Variants in DDC observed in about 807,000 individuals in gnomAD.
The protein encoded by DDC is aromatic-L-amino-acid decarboxylase.
DDC carries 43 observed loss-of-function variants against 60.0 expected under a neutral mutation model. The observed-to-expected ratio is 0.72, with a 90% CI of 0.56 to 0.92. The LOEUF is 0.92. Ranked by LOEUF, DDC falls within the 40% of genes least tolerant of loss-of-function variation. The pLI, the probability that DDC is intolerant of heterozygous loss-of-function variation, is 0.00. For synonymous variants in DDC, 232 were observed against 234.6 expected (o/e 0.99, Z 0.10); for missense variants, 573 against 620.2 (o/e 0.92, Z 0.81).
At chr7:50,543,680 C>T (rs901715848) in intron 2 of DDC, among the ~76,000 whole-genome samples, 5 of 152,256 alleles carry the variant, frequency 3.3e-5, no homozygotes, top group Non-Finnish European at 5.9e-5. Flanking sequence ...CTGACTTCAT[C>T]GTGTACTACC....
chr7:50,534,905 T>C (rs2044344992), intron 4 of DDC, among the ~76,000 whole-genome samples: 1 of 152,192 alleles, frequency 6.6e-6, no homozygotes, highest in Non-Finnish European at 1.5e-5. Flanking sequence ...GACAGAGCAC[T>C]GGCTGCGGAC....
intron 7 of DDC, among the ~76,000 whole-genome samples, chr7:50,501,558 A>G (rs1399267817): frequency 3.3e-5 from 5 of 152,240 alleles, no homozygotes; most frequent in African/African-American, 1.2e-4. Flanking sequence ...TTTCTTTGTC[A>G]AATGATGGTG....
At chr7:50,515,034 C>T (rs1038594792) in intron 6 of DDC, among the ~76,000 whole-genome samples, 16 of 152,012 alleles carry the variant, frequency 1.1e-4, no homozygotes, top group African/African-American at 3.9e-4. Context: ...GGCTAGAGAC[C>T]CAGCCATCCA....
chr7:50,471,427 G>A (rs1164801078), intron 11 of DDC, among the ~76,000 whole-genome samples: 1 of 152,094 alleles, frequency 6.6e-6, no homozygotes, highest in African/African-American at 2.4e-5. Context: ...TGAACAGGTG[G>A]CAACTGCTTC....
chr7:50,513,757 T>C (rs1245452921), intron 6 of DDC, among the ~76,000 whole-genome samples: 1 of 151,914 alleles, frequency 6.6e-6, no homozygotes, highest in Non-Finnish European at 1.5e-5. Flanking sequence ...ATAATCCTCC[T>C]AGGTACACAA....
In DDC at chr7:50,559,746, A is replaced by G. The variant is rs117020265; in HGVS notation, c.-29+5539T>C. 3.4e-4 allele frequency among the ~76,000 whole-genome samples: 52 copies of G among 152,294 alleles called. No homozygotes were observed. In the East Asian group the frequency reaches 9.5e-3, roughly 28 times the overall value. On this transcript the variant is annotated intron_variant, in intron 1 of 14. Transcript: ENST00000444124. Reference sequence around the variant, plus strand: ...CCCAGCCGCAGAACACTTCTTTTAAAATACCCGCATAGTGTGGTTTTCCTA... The same window carrying G: ...CCCAGCCGCAGAACACTTCTTTTAAGATACCCGCATAGTGTGGTTTTCCTA...
intron 2 of DDC, among the ~76,000 whole-genome samples, chr7:50,541,675 C>A (rs1455586803): frequency 6.6e-6 from 1 of 152,178 alleles, no homozygotes; most frequent in Admixed American, 6.5e-5. Context: ...CTCAGACTTC[C>A]TGTCTCTAGA....
At chr7:50,562,885 C>T (rs971826194) in intron 1 of DDC, among the ~76,000 whole-genome samples, 1 of 152,174 alleles carries the variant, frequency 6.6e-6, no homozygotes, top group Non-Finnish European at 1.5e-5. Context: ...AATGTCCAGA[C>T]TGCCGGGCCC....
Position 50,470,078 on chromosome 7 carries a change from G to A in DDC, c.1135C>T (p.Arg379Cys), listed in dbSNP as rs201783949. 24 of 1,600,730 alleles carry A rather than the reference G, an allele frequency of 1.5e-5. No homozygotes were observed. Among genetic ancestry groups the A allele is most frequent in the Admixed American group, 1.3e-4 (8 of 59,998 alleles). The change falls in exon 12 of 15, where the codon CGC (arginine) becomes TGC (cysteine). Residue 379 changes from arginine (R) to cysteine (C), a missense_variant. Transcript: ENST00000444124. ...AATAATAAAAACAAAGTCACCTTGC[G>A]GATATAAGCCTGCAGTCCTTTGACT... Reference protein sequence around the residue: ...YGVKGLQAYIRKHVQLSHEFE... With the variant: ...YGVKGLQAYICKHVQLSHEFE...
chr7:50,519,131 T>C (rs1446739618), intron 6 of DDC, among the ~76,000 whole-genome samples: 2 of 70,296 alleles, frequency 2.8e-5, no homozygotes, highest in Admixed American at 1.1e-4. Flanking sequence ...CCAACAAACA[T>C]ATAAAAAAAA....
intron 1 of DDC, among the ~76,000 whole-genome samples, chr7:50,550,823 T>A (rs531525573): frequency 6.6e-6 from 1 of 152,340 alleles, no homozygotes; most frequent in African/African-American, 2.4e-5. Flanking sequence ...GGAGACAGAT[T>A]TTCCCTGAGT....
intron 1 of DDC, among the ~76,000 whole-genome samples, chr7:50,551,375 C>T (rs957263458): frequency 8.6e-5 from 13 of 151,962 alleles, no homozygotes; most frequent in Non-Finnish European, 1.8e-4. Flanking sequence ...GGATTACAGG[C>T]GCATGCCACC....
chr7:50,468,280 C>T (rs901864837), intron 12 of DDC, among the ~76,000 whole-genome samples: 1 of 152,246 alleles, frequency 6.6e-6, no homozygotes, highest in Non-Finnish European at 1.5e-5. Flanking sequence ...CTTTGAGCAT[C>T]GCTGGACTCT....
At chr7:50,497,270 G>A (rs572535100) in intron 8 of DDC, among the ~76,000 whole-genome samples, 8 of 152,198 alleles carry the variant, frequency 5.3e-5, no homozygotes, top group Non-Finnish European at 1.2e-4. Context: ...TCATTGTACA[G>A]CATGAAATCC....
intron 11 of DDC, 145 bp downstream of exon 11, chr7:50,476,479 C>A: frequency 5.2e-6 from 4 of 772,432 alleles, no homozygotes; most frequent in Non-Finnish European, 9.1e-6. Context: ...GCAGGACCCC[C>A]CTAATTTGTC....
intron 1 of DDC, among the ~76,000 whole-genome samples, chr7:50,552,909 T>C (rs963918617): frequency 7.2e-5 from 11 of 152,148 alleles, no homozygotes; most frequent in East Asian, 1.9e-4. Context: ...CCTCCCACCA[T>C]TGAGTCTTGA....
chr7:50,564,910 C>A (rs1355551564), intron 1 of DDC, among the ~76,000 whole-genome samples: 2 of 152,150 alleles, frequency 1.3e-5, no homozygotes, highest in African/African-American at 2.4e-5. Flanking sequence ...AAGGTAGATA[C>A]TAAGAAAATC....
intron 1 of DDC, among the ~76,000 whole-genome samples, chr7:50,553,484 CTTTT>C (rs5884158): frequency 1.1e-5 from 1 of 90,934 alleles, no homozygotes; most frequent in Non-Finnish European, 2.1e-5. Context: ...TCTTTCTTTT[CTTTT>C]TTTTTTTTTT....
chr7:50,564,371 A>G (rs932604843), intron 1 of DDC: 2 of 152,212 alleles, frequency 1.3e-5, no homozygotes, highest in Non-Finnish European at 2.9e-5. Context: ...AACGGGCTAC[A>G]TTCACATTTC....
Sources: allele counts gnomAD v4.1 joint callset (sites outside exome capture counted in the v4.1 genomes callset), GRCh38; gene constraint gnomAD v4.1.1; transcripts MANE v1.5; gene names NCBI Gene and HGNC (gene_info 2026-07-23, HGNC 2026-07-21).